Variants in CCDC3 observed in about 807,000 individuals in gnomAD.
CCDC3 encodes coiled-coil domain-containing protein 3.
A neutral mutation model predicts 21.4 loss-of-function variants in CCDC3; 24 were observed. That is an observed-to-expected ratio of 1.12 (90% CI 0.81 to 1.58). CCDC3 has a LOEUF of 1.58. Ranked by LOEUF, CCDC3 falls within the 40% of genes most tolerant of loss-of-function variation. The pLI is 0.00. For synonymous variants in CCDC3, 186 were observed against 166.0 expected, an observed-to-expected ratio of 1.12 and a Z score of -0.93; for missense variants, 425 against 360.9, an observed-to-expected ratio of 1.18 and a Z score of -1.44.
At chr10:13,004,609 C>T (rs1835904398), upstream of CCDC3, among the ~76,000 whole-genome samples, 1 of 132,238 alleles carries the variant, frequency 7.6e-6, no homozygotes, top group East Asian at 2.4e-4. Flanking sequence ...ATCAACCTGC[C>T]ACCAGGTGGC....
At chr10:13,084,959 C>T (rs144253165) in intron 3 of CCDC3, among the ~76,000 whole-genome samples, 4 of 152,282 alleles carry the variant, frequency 2.6e-5, no homozygotes, top group African/African-American at 9.6e-5. Flanking sequence ...CTTTGTCAGT[C>T]ACATACAAAA....
At chr10:12,939,288 G>A (rs1000175152) in intron 2 of CCDC3, among the ~76,000 whole-genome samples, 1 of 152,198 alleles carries the variant, frequency 6.6e-6, no homozygotes, top group East Asian at 1.9e-4. Context: ...CATCAGACCT[G>A]AAGCTTTTAA....
At position 12,920,854 on chromosome 10, in the gene CCDC3, G is replaced by A. The variant is rs74120719; in HGVS notation, c.550-22175C>T. ...CAGAAGGTCTATCTCAAAAGGTAGC[G>A]CTCCCATGCTCATAACCTCCATGGT... On this transcript the variant is annotated intron_variant, in intron 2 of 2. Transcript: ENST00000378825. Among the ~76,000 whole-genome samples the A allele has an allele frequency of 1.2e-3, 189 of 152,272 alleles. 1 individual carries two copies. Among genetic ancestry groups the A allele is most frequent in the African/African-American group, 4.0e-3 (167 of 41,552 alleles).
chr10:12,972,484 C>T (rs1055496130), intron 2 of CCDC3, among the ~76,000 whole-genome samples: 3 of 152,116 alleles, frequency 2.0e-5, no homozygotes, highest in Admixed American at 1.3e-4. Flanking sequence ...GTCCCAAAGT[C>T]ACCTAGAAAC....
chr10:13,079,537 G>A (rs903693539), intron 3 of CCDC3, among the ~76,000 whole-genome samples: 12 of 151,980 alleles, frequency 7.9e-5, no homozygotes, highest in Admixed American at 4.6e-4. Flanking sequence ...CAGCAGGAGC[G>A]GTAAAGCATT....
intron 2 of CCDC3, among the ~76,000 whole-genome samples, chr10:12,972,096 A>G (rs1397071082): frequency 6.6e-6 from 1 of 152,096 alleles, no homozygotes. Context: ...CACCTAGCAC[A>G]CTGCTGCGTG....
intron 5 of CCDC3, among the ~76,000 whole-genome samples, chr10:13,013,903 C>A (rs192559872): frequency 6.6e-6 from 1 of 152,194 alleles, no homozygotes; most frequent in South Asian, 2.1e-4. Context: ...GTAATCCCAG[C>A]GCTTTGGGAG....
intron 2 of CCDC3, among the ~76,000 whole-genome samples, chr10:12,994,989 G>A (rs140413888): frequency 4.1e-4 from 63 of 151,866 alleles, no homozygotes; most frequent in African/African-American, 1.4e-3. Flanking sequence ...GCTGAGGCAG[G>A]AGAATCACTT....
At chr10:13,031,779 A>G (rs1836307034) in intron 5 of CCDC3, among the ~76,000 whole-genome samples, 1 of 152,204 alleles carries the variant, frequency 6.6e-6, no homozygotes, top group Non-Finnish European at 1.5e-5. Context: ...CACCCTCCCA[A>G]GACTAAACCA....
intron 3 of CCDC3, among the ~76,000 whole-genome samples, chr10:13,075,159 T>C (rs1476058610): frequency 6.6e-6 from 1 of 152,250 alleles, no homozygotes; most frequent in Non-Finnish European, 1.5e-5. Flanking sequence ...CTCCAACTTC[T>C]TATCAATATC....
chr10:12,983,501 G>A (rs1241273005), intron 2 of CCDC3, among the ~76,000 whole-genome samples: 1 of 151,286 alleles, frequency 6.6e-6, no homozygotes, highest in Non-Finnish European at 1.5e-5. Flanking sequence ...AGCCTGGGAG[G>A]TAGAGGTTGC....
intron 2 of CCDC3, among the ~76,000 whole-genome samples, chr10:12,927,055 C>G (rs989916000): frequency 1.3e-5 from 2 of 152,166 alleles, no homozygotes; most frequent in African/African-American, 4.8e-5. Context: ...GCCCCAAGAT[C>G]CTGATATCAG....
intron 2 of CCDC3, among the ~76,000 whole-genome samples, chr10:12,950,068 C>A (rs1395871170): frequency 2.6e-5 from 4 of 152,188 alleles, no homozygotes; most frequent in African/African-American, 9.7e-5. Flanking sequence ...CTTCTCCATG[C>A]CTTCACTCTG....
Position 12,912,384 on chromosome 10 carries a change from C to T in CCDC3, c.550-13705G>A, listed in dbSNP as rs193214274. ...CGTGTCCCTGATTAGTGATGTTGAA[C>T]ATTTCTAAATATACCTGTTGACCAT... On this transcript the variant is annotated intron_variant, in intron 2 of 2. Transcript: ENST00000378825. Among the ~76,000 whole-genome samples, 118 of 152,286 alleles carry T rather than the reference C, an allele frequency of 7.7e-4. 1 individual carries two copies. Among genetic ancestry groups the T allele is most frequent in the African/African-American group, 2.7e-3 (113 of 41,562 alleles).
At chr10:13,088,700 C>T (rs956961138) in intron 3 of CCDC3, among the ~76,000 whole-genome samples, 10 of 152,118 alleles carry the variant, frequency 6.6e-5, no homozygotes, top group African/African-American at 1.4e-4. Context: ...GGAGACAAGA[C>T]GGAAAGGAGG....
At chr10:13,065,890 CAAT>C (rs1210045544) in intron 4 of CCDC3, among the ~76,000 whole-genome samples, 2 of 152,116 alleles carry the variant, frequency 1.3e-5, no homozygotes, top group African/African-American at 4.8e-5. Context: ...TCACCATGTA[CAAT>C]GATAGGGCAC....
At chr10:12,904,565 G>C (rs1310374066) in intron 2 of CCDC3, among the ~76,000 whole-genome samples, 4 of 151,208 alleles carry the variant, frequency 2.6e-5, no homozygotes, top group Admixed American at 6.6e-5. Context: ...GGGATGGCAA[G>C]ATGGGGTGCT....
At chr10:13,074,179 CAG>C (rs1242446382) in intron 3 of CCDC3, 1 of 121,152 alleles carries the variant, frequency 8.3e-6, no homozygotes, top group African/African-American at 3.1e-5. Flanking sequence ...TTTTTTGAGA[CAG>C]AGTTTCACCC....
intron 5 of CCDC3, among the ~76,000 whole-genome samples, chr10:13,024,091 C>A (rs904111133): frequency 1.3e-5 from 2 of 152,160 alleles, no homozygotes; most frequent in Non-Finnish European, 2.9e-5. Flanking sequence ...GCTTTAGGCT[C>A]TGTTCTCTGA....
Sources: gnomAD v4.1 joint callset for allele counts (sites outside exome capture counted in the v4.1 genomes callset) on GRCh38, gnomAD v4.1.1 for gene constraint, MANE v1.5 for transcripts, NCBI Gene and HGNC (gene_info 2026-07-23, HGNC 2026-07-21) for gene names.